ZDHHC20: variants seen among roughly 807,000 people sequenced by gnomAD.
The protein encoded by ZDHHC20 is palmitoyltransferase ZDHHC20.
In ZDHHC20, 43 loss-of-function variants were observed where a neutral mutation model predicts 57.8. The observed-to-expected ratio is 0.74, with a 90% CI of 0.58 to 0.96. The LOEUF (loss-of-function observed/expected upper bound fraction) is 0.96. Ranked by LOEUF, ZDHHC20 falls within the 40% of genes least tolerant of loss-of-function variation. ZDHHC20 has a pLI of 0.00. For synonymous variants in ZDHHC20, 157 were observed against 153.0 expected (o/e 1.03, Z -0.19); for missense variants, 391 against 441.1 (o/e 0.89, Z 1.02).
chr13:21,394,180 T>C (rs747678932), intron 7 of ZDHHC20, among the ~76,000 whole-genome samples: 6 of 152,186 alleles, frequency 3.9e-5, no homozygotes, highest in Non-Finnish European at 8.8e-5. Flanking sequence ...CCCCTCTTGG[T>C]CCATTCCTTT....
intron 1 of ZDHHC20, among the ~76,000 whole-genome samples, chr13:21,428,952 AT>A (rs1254079582): frequency 6.6e-6 from 1 of 152,156 alleles, no homozygotes; most frequent in Non-Finnish European, 1.5e-5. Context: ...ATGTTTATAC[AT>A]TTTTTTATGT....
At chr13:21,454,896 A>G (rs1481941575) in intron 1 of ZDHHC20, among the ~76,000 whole-genome samples, 2 of 151,808 alleles carry the variant, frequency 1.3e-5, no homozygotes, top group Non-Finnish European at 2.9e-5. Flanking sequence ...CAAACAACAT[A>G]GCTCTTTTGT....
chr13:21,451,990 A>G (rs1197253656), intron 1 of ZDHHC20, among the ~76,000 whole-genome samples: 1 of 152,002 alleles, frequency 6.6e-6, no homozygotes, highest in African/African-American at 2.4e-5. Context: ...GTGAAGTTCC[A>G]TCTCCAAAAA....
intron 12 of ZDHHC20, 96 bp from the exon 13 acceptor site, chr13:21,376,751 A>C (rs1872145620): frequency 2.9e-6 from 2 of 693,020 alleles, no homozygotes; most frequent in Non-Finnish European, 4.5e-6. Flanking sequence ...CAAAGCTACT[A>C]ATATAACAAG....
intron 3 of ZDHHC20, among the ~76,000 whole-genome samples, chr13:21,416,031 G>A (rs1879914748): frequency 6.6e-6 from 1 of 151,440 alleles, no homozygotes; most frequent in Admixed American, 6.6e-5. Context: ...TGAAACCCCC[G>A]CCTCTACTAA....
At position 21,374,958 on chromosome 13, in the gene ZDHHC20, AC is replaced by A. The variant is rs1871814833; in HGVS notation, c.*1737del. On this transcript the variant is annotated 3_prime_UTR_variant, in exon 13 of 13. Transcript: ENST00000400590. ...TGATCAGCCTGGTCAACATGGTGAA[AC>A]CTCGTCTCTTCTAAAAATGTGAAAA... is the stretch of plus-strand genomic sequence containing the variant. 2 of 360,446 alleles carry A rather than the reference AC, an allele frequency of 5.5e-6. No homozygotes were observed. The highest frequency in any genetic ancestry group is 4.3e-5 in the African/African-American group (2 of 46,558). The allele number at this position is 360,446 out of a possible 1,614,324, so 22.3% of individuals were successfully genotyped here. A position where few individuals can be genotyped will look rare whatever the true frequency, so the allele number is the denominator to read the frequency against.
chr13:21,448,613 C>A (rs1884111647), intron 1 of ZDHHC20, among the ~76,000 whole-genome samples: 1 of 97,648 alleles, frequency 1.0e-5, no homozygotes, highest in East Asian at 2.3e-4. Flanking sequence ...AGCCCCCTGC[C>A]CGGCCGGCCG....
chr13:21,442,918 A>G (rs1883326113), intron 1 of ZDHHC20, among the ~76,000 whole-genome samples: 1 of 152,204 alleles, frequency 6.6e-6, no homozygotes, highest in Admixed American at 6.5e-5. Context: ...AGAAATCTAC[A>G]TGGATGCTGT....
At chr13:21,385,874 A>G (rs1393059922) in intron 9 of ZDHHC20, among the ~76,000 whole-genome samples, 1 of 152,228 alleles carries the variant, frequency 6.6e-6, no homozygotes, top group East Asian at 1.9e-4. Flanking sequence ...AAGGATAGTA[A>G]TTTACAAACA....
At chr13:21,457,617 T>C (rs974425826) in intron 1 of ZDHHC20, among the ~76,000 whole-genome samples, 5 of 152,244 alleles carry the variant, frequency 3.3e-5, no homozygotes, top group Non-Finnish European at 7.3e-5. Flanking sequence ...CCTGCAGGGA[T>C]AGTCGTCCCA....
chr13:21,412,967 C>CAAAAAAA (rs60707653), intron 4 of ZDHHC20, among the ~76,000 whole-genome samples: 4 of 67,106 alleles, frequency 6.0e-5, no homozygotes, highest in Non-Finnish European at 8.0e-5. Flanking sequence ...GACTCCGTCT[C>CAAAAAAA]AAAAAAAAAA....
intron 9 of ZDHHC20, 124 bp from the exon 10 acceptor site, chr13:21,383,133 C>A (rs888235847): frequency 3.0e-5 from 26 of 867,056 alleles, no homozygotes; most frequent in Non-Finnish European, 4.5e-5. Flanking sequence ...GGAAGTAACT[C>A]CTAAAATTTC....
intron 1 of ZDHHC20, among the ~76,000 whole-genome samples, chr13:21,428,877 C>T (rs1490043417): frequency 7.2e-6 from 1 of 138,602 alleles, no homozygotes; most frequent in Non-Finnish European, 1.5e-5. Context: ...CAAAATAAAA[C>T]AAAACAAAAG....
chr13:21,393,067 TC>T (rs995942650), intron 7 of ZDHHC20, among the ~76,000 whole-genome samples: 4 of 152,092 alleles, frequency 2.6e-5, no homozygotes, highest in African/African-American at 7.2e-5. Flanking sequence ...GTTTTATAAA[TC>T]CTGTTGAAAG....
chr13:21,439,198 A>G (rs1393056268), intron 1 of ZDHHC20, among the ~76,000 whole-genome samples: 1 of 152,180 alleles, frequency 6.6e-6, no homozygotes, highest in Non-Finnish European at 1.5e-5. Flanking sequence ...AAATTGAGGA[A>G]CATTTACAAA....
intron 5 of ZDHHC20, 33 bp from the exon 6 acceptor site, chr13:21,401,718 C>T: frequency 6.8e-7 from 1 of 1,475,616 alleles, no homozygotes; most frequent in Non-Finnish European, 8.9e-7. Context: ...AAAATCCATG[C>T]AGAAAAATTC....
In ZDHHC20 at chr13:21,373,142, A is replaced by C. The variant is rs963305887; in HGVS notation, c.*3554T>G. 1 of 152,194 alleles carries C rather than the reference A, an allele frequency of 6.6e-6. No homozygotes were observed. The highest frequency in any genetic ancestry group is 1.5e-5 in the Non-Finnish European group (1 of 68,020). The allele number at this position is 152,194 out of a possible 1,614,324, so 9.4% of individuals were successfully genotyped here. On this transcript the variant is annotated 3_prime_UTR_variant, in exon 13 of 13. Coordinates refer to ENST00000400590, the MANE Select transcript of ZDHHC20 (RefSeq NM_001330059.2). ...GAAATGCAAAAATATGACTTTCTTA[A>C]TAACAGATTAGTTAAAAATACTTTC... is the stretch of plus-strand genomic sequence containing the variant.
chr13:21,380,043 G>A (rs1432830754), intron 11 of ZDHHC20, among the ~76,000 whole-genome samples: 2 of 151,320 alleles, frequency 1.3e-5, no homozygotes, highest in African/African-American at 2.4e-5. Context: ...TCTCGATCTC[G>A]TGACCTCGTG....
At chr13:21,413,862 C>A in intron 3 of ZDHHC20, 90 bp from the exon 4 acceptor site, 1 of 1,110,628 alleles carries the variant, frequency 9.0e-7, no homozygotes, top group South Asian at 1.6e-5. Flanking sequence ...AAAAAGAAAA[C>A]CAAAAACTAT....
Sources: gnomAD v4.1 joint callset for allele counts (sites outside exome capture counted in the v4.1 genomes callset) on GRCh38, gnomAD v4.1.1 for gene constraint, MANE v1.5 for transcripts, NCBI Gene and HGNC (gene_info 2026-07-23, HGNC 2026-07-21) for gene names.